RBM41: variants seen among roughly 807,000 people sequenced by gnomAD.
RBM41 encodes the protein RNA binding motif protein 41.
In RBM41, 14 loss-of-function variants were observed where a neutral mutation model predicts 30.8. The ratio of observed to expected loss-of-function variants is 0.45; its 90% CI spans 0.30 to 0.71. The LOEUF (loss-of-function observed/expected upper bound fraction) is 0.71. Ranked by LOEUF, RBM41 falls within the 30% of genes least tolerant of loss-of-function variation. The pLI is 0.08. For missense variants in RBM41, 276 were observed against 326.3 expected (o/e 0.85, Z 1.19); for synonymous variants, 120 against 110.1 (o/e 1.09, Z -0.56).
intron 5 of RBM41, among the ~76,000 whole-genome samples, chrX:107,107,910 C>T (rs1327346908): frequency 9.0e-6 from 1 of 111,041 alleles, no homozygotes; most frequent in East Asian, 2.8e-4. Context: ...GAGTACCATA[C>T]TATAGTTGAA....
the RBM41 span, among the ~76,000 whole-genome samples, chrX:107,055,154 T>C: frequency 2.7e-5 from 3 of 111,946 alleles, no homozygotes; most frequent in African/African-American, 9.7e-5. Flanking sequence ...GGTACAAACA[T>C]TGTAGCATGT....
chrX:107,067,937 C>G (rs1464062145), intron 7 of RBM41, among the ~76,000 whole-genome samples: 1 of 111,341 alleles, frequency 9.0e-6, no homozygotes, highest in East Asian at 2.8e-4. Flanking sequence ...TTCAAAGAAA[C>G]AAGTAGAGAA....
chrX:107,056,041 T>C, the RBM41 span, among the ~76,000 whole-genome samples: 2 of 112,420 alleles, frequency 1.8e-5, no homozygotes, highest in Non-Finnish European at 3.8e-5. Flanking sequence ...TTTTCATAAA[T>C]GTTCTTTATC....
intron 6 of RBM41, among the ~76,000 whole-genome samples, chrX:107,080,832 G>T (rs919488514): frequency 1.8e-5 from 2 of 111,400 alleles, no homozygotes; most frequent in African/African-American, 6.5e-5. Context: ...CTGTGGTGAC[G>T]TGTTTGTTCT....
intron 6 of RBM41, 70 bp from the exon 7 acceptor site, chrX:107,069,472 T>G (rs1935967447): frequency 9.2e-7 from 1 of 1,082,617 alleles, no homozygotes; most frequent in Non-Finnish European, 1.2e-6. Flanking sequence ...TTTTTCTTTT[T>G]GAGACAAAGT....
At chrX:107,076,202 A>T (rs1936218387) in intron 6 of RBM41, among the ~76,000 whole-genome samples, 1 of 109,357 alleles carries the variant, frequency 9.1e-6, no homozygotes, top group African/African-American at 3.3e-5. Context: ...CTGTAATCCC[A>T]GCTACATGGG....
chrX:107,066,862 G>T lies in RBM41; in HGVS notation c.*665C>A. 2 of 736,362 alleles carry T rather than the reference G, an allele frequency of 2.7e-6. No individual in the cohort carries two copies. Among genetic ancestry groups the T allele is most frequent in the Non-Finnish European group, 3.2e-6 (2 of 623,335 alleles). 60.7% of individuals were successfully genotyped at this position (736,362 alleles called of 1,213,427 possible). ...ACACTTAATCAATGTTTATTGCTAT[G>T]AATTCAATGATACTCAATGGTTGCT... On this transcript the variant is annotated 3_prime_UTR_variant, in exon 8 of 8. Transcript: ENST00000685964.
intron 2 of RBM41, chrX:107,116,263 A>C (rs1924874010): frequency 2.1e-6 from 2 of 951,997 alleles, no homozygotes; most frequent in Non-Finnish European, 2.6e-6. Flanking sequence ...ACAAATATTT[A>C]TTGAGTACTT....
downstream of RBM41, among the ~76,000 whole-genome samples, chrX:107,056,893 G>C (rs1442745083): frequency 4.1e-4 from 37 of 90,339 alleles, no homozygotes; most frequent in Non-Finnish European, 7.1e-4. Flanking sequence ...TTTTTTTTTG[G>C]GGGGGGCGAC....
At chrX:107,069,211 G>A (rs758995340) in intron 7 of RBM41, 44 bp downstream of exon 7, 18 of 1,103,217 alleles carry the variant, frequency 1.6e-5, no homozygotes, top group Middle Eastern at 2.7e-4. Context: ...AATCTCTAGC[G>A]AACTGAGGGG....
At chrX:107,104,259 A>G (rs1028761296) in intron 5 of RBM41, among the ~76,000 whole-genome samples, 6 of 111,755 alleles carry the variant, frequency 5.4e-5, no homozygotes, top group Non-Finnish European at 9.4e-5. Flanking sequence ...TTAACAGTAT[A>G]CATGCTGAAG....
chrX:107,065,705 C>G lies in RBM41; in HGVS notation c.*1822G>C. On this transcript the variant is annotated 3_prime_UTR_variant, in exon 8 of 8. Coordinates refer to ENST00000685964, the MANE Select transcript of RBM41 (RefSeq NM_001324242.2). The stretch of plus-strand genomic sequence containing the variant: ...TGTTCCTGTGGATTTGTCTTACCAT[C>G]TGGAGTCAGTTCTTTAGTACAAGAC... The G allele has an allele frequency of 8.8e-7, 1 of 1,130,987 alleles. No homozygotes were observed. The highest frequency in any genetic ancestry group is 1.2e-6 in the Non-Finnish European group (1 of 854,375). 93.2% of individuals were successfully genotyped at this position (1,130,987 alleles called of 1,213,427 possible).
rs1447297126 is a variant in RBM41, at chrX:107,063,517, C to G, written c.*4010G>C. 1.8e-5 allele frequency among the ~76,000 whole-genome samples: 2 copies of G among 112,288 alleles called. No homozygotes were observed. The highest frequency in any genetic ancestry group is 6.5e-5 in the African/African-American group (2 of 30,937). On this transcript the variant is annotated 3_prime_UTR_variant, in exon 8 of 8. Transcript: ENST00000685964. ...CTTTGTGGGTATCTTTTCAAAAACT[C>G]ATTTAACCTATTTACTTGATATAGG...
chrX:107,058,968 T>C (rs1031022220), downstream of RBM41, among the ~76,000 whole-genome samples: 9 of 111,494 alleles, frequency 8.1e-5, no homozygotes, highest in East Asian at 1.1e-3. Context: ...TGCATCTTTC[T>C]TTATGGTACT....
chrX:107,105,416 T>A (rs1923874644), intron 5 of RBM41, among the ~76,000 whole-genome samples: 2 of 106,222 alleles, frequency 1.9e-5, no homozygotes, highest in African/African-American at 6.9e-5. Flanking sequence ...GTAGGAAGAA[T>A]CAATATCGTG....
downstream of RBM41, among the ~76,000 whole-genome samples, chrX:107,061,618 CT>C (rs1244315206): frequency 9.0e-6 from 1 of 110,662 alleles, no homozygotes; most frequent in Non-Finnish European, 1.9e-5. Flanking sequence ...TTTTTCCTTT[CT>C]TTTTTTTAGA....
intron 5 of RBM41, among the ~76,000 whole-genome samples, chrX:107,100,444 A>G (rs770059475): frequency 9.1e-6 from 1 of 109,772 alleles, no homozygotes; most frequent in Non-Finnish European, 1.9e-5. Flanking sequence ...GTGAGCTGAA[A>G]TCATGCCCCT....
downstream of RBM41, among the ~76,000 whole-genome samples, chrX:107,060,788 G>C (rs954973684): frequency 7.2e-5 from 8 of 111,282 alleles, no homozygotes; most frequent in Non-Finnish European, 1.5e-4. Context: ...CAGCCTCAGT[G>C]CATCTTCCAG....
downstream of RBM41, among the ~76,000 whole-genome samples, chrX:107,059,390 T>C (rs1935609499): frequency 9.0e-6 from 1 of 110,908 alleles, no homozygotes; most frequent in African/African-American, 3.3e-5. Flanking sequence ...AGCTAATGCA[T>C]GTGGGGGTTA....
Sources: gnomAD v4.1 joint callset for allele counts (sites outside exome capture counted in the v4.1 genomes callset) on GRCh38, gnomAD v4.1.1 for gene constraint, MANE v1.5 for transcripts, NCBI Gene and HGNC (gene_info 2026-07-23, HGNC 2026-07-21) for gene names.